The following RRAGD variants were observed in gnomAD, a reference collection of about 807,000 sequenced individuals.
RRAGD encodes Ras related GTP binding D.
A neutral mutation model predicts 35.5 loss-of-function variants in RRAGD; 12 were observed. The observed-to-expected ratio is 0.34, with a 90% CI of 0.22 to 0.55. The LOEUF (loss-of-function observed/expected upper bound fraction) is 0.55. Among genes scored for constraint, RRAGD ranks in the 20% least tolerant of loss-of-function variants. The pLI, the probability that RRAGD is intolerant of heterozygous loss-of-function variation, is 0.91. For missense variants in RRAGD, 324 were observed against 490.1 expected (o/e 0.66, Z 3.20); for synonymous variants, 155 against 178.9 (o/e 0.87, Z 1.07).
chr6:89,398,378 AGAAC>A (rs1235075949), intron 1 of RRAGD, among the ~76,000 whole-genome samples: 2 of 152,268 alleles, frequency 1.3e-5, no homozygotes, highest in Non-Finnish European at 2.9e-5. Flanking sequence ...CTTAAAGATA[AGAAC>A]GGAAACCCTA....
At chr6:89,403,105 T>G (rs1769504815) in intron 1 of RRAGD, among the ~76,000 whole-genome samples, 1 of 152,170 alleles carries the variant, frequency 6.6e-6, no homozygotes, top group South Asian at 2.1e-4. Context: ...AAAAACATAT[T>G]AAGACAGATC....
At chr6:89,374,188 T>G (rs765657457) in intron 5 of RRAGD, among the ~76,000 whole-genome samples, 2 of 152,190 alleles carry the variant, frequency 1.3e-5, no homozygotes, top group African/African-American at 4.8e-5. Context: ...AAGAATCCTC[T>G]AAGTTTCTAA....
intron 5 of RRAGD, among the ~76,000 whole-genome samples, chr6:89,376,930 T>C (rs1383286220): frequency 6.6e-6 from 1 of 152,224 alleles, no homozygotes; most frequent in Non-Finnish European, 1.5e-5. Context: ...ATGGATTTTC[T>C]TCCGCTTCTG....
At chr6:89,391,976 A>T (rs1451949804) in intron 1 of RRAGD, among the ~76,000 whole-genome samples, 4 of 151,310 alleles carry the variant, frequency 2.6e-5, no homozygotes, top group African/African-American at 9.7e-5. Flanking sequence ...AAAAAAAAAA[A>T]TCCCTGGAAT....
At chr6:89,405,988 AC>A (rs1471764999) in intron 1 of RRAGD, among the ~76,000 whole-genome samples, 3 of 152,234 alleles carry the variant, frequency 2.0e-5, no homozygotes, top group Admixed American at 6.5e-5. Flanking sequence ...TTGATTAACT[AC>A]TTAGTAAGGA....
chr6:89,402,038 A>ATTTTTTTTCT (rs1769477442), intron 1 of RRAGD, among the ~76,000 whole-genome samples: 4 of 78,440 alleles, frequency 5.1e-5, no homozygotes, highest in African/African-American at 2.5e-4. Context: ...AATCCTAAGG[A>ATTTTTTTTCT]TTTTTTTTTT....
intron 6 of RRAGD, 78 bp from the exon 7 acceptor site, chr6:89,368,285 C>A (rs1026333951): frequency 3.6e-4 from 492 of 1,376,138 alleles, no homozygotes; most frequent in Admixed American, 1.2e-3. Flanking sequence ...ATGGCCAGGA[C>A]AAGCCAGTAG....
chr6:89,371,891 T>C (rs1407571248), intron 6 of RRAGD, among the ~76,000 whole-genome samples: 1 of 152,228 alleles, frequency 6.6e-6, no homozygotes, highest in African/African-American at 2.4e-5. Flanking sequence ...TGGAGTTAAA[T>C]ATATTCATGG....
intron 1 of RRAGD, among the ~76,000 whole-genome samples, chr6:89,389,555 CAAA>C (rs767352705): frequency 6.9e-5 from 4 of 58,178 alleles, no homozygotes; most frequent in East Asian, 8.7e-4. Flanking sequence ...GACTCCGTCT[CAAA>C]AAAAAAAAAA....
intron 1 of RRAGD, among the ~76,000 whole-genome samples, chr6:89,399,043 C>T (rs1205987448): frequency 1.1e-4 from 16 of 152,148 alleles, no homozygotes. Context: ...TGTACAAGTG[C>T]AAAAATATTC....
At position 89,367,915 on chromosome 6, in the gene RRAGD, G is replaced by C; in HGVS notation, c.*141C>G. On this transcript the variant is annotated 3_prime_UTR_variant, in exon 7 of 7. Transcript: ENST00000369415. ...CTTTATTTATAAAAGAGAAGATCAAGAGGGTTGCAGGAATTTTTTTTTTTT... is the reference window on the plus strand; with the variant it reads ...CTTTATTTATAAAAGAGAAGATCAACAGGGTTGCAGGAATTTTTTTTTTTT... The C allele has an allele frequency of 1.5e-6, 1 of 680,112 alleles. No individual in the cohort carries two copies. Among genetic ancestry groups the C allele is most frequent in the South Asian group, 4.1e-5 (1 of 24,384 alleles). The allele number at this position is 680,112 out of a possible 1,614,324, so 42.1% of individuals were successfully genotyped here. A position where few individuals can be genotyped will look rare whatever the true frequency, so the allele number is the denominator to read the frequency against.
chr6:89,387,708 G>C (rs1272566147), intron 1 of RRAGD, 118 bp from the exon 2 acceptor site: 1 of 990,506 alleles, frequency 1.0e-6, no homozygotes, highest in Non-Finnish European at 1.5e-6. Context: ...CTCTTCCAAA[G>C]AGTGCTAACT....
At position 89,380,302 on chromosome 6, in the gene RRAGD, A is replaced by G. The variant is rs150916197; in HGVS notation, c.510T>C (p.Thr170=). 1.1e-4 allele frequency: 175 copies of G among 1,614,260 alleles called. No homozygotes were observed. In the African/African-American group the frequency reaches 2.0e-3, roughly 19 times the overall value. Reference sequence around the variant, plus strand: ...GAATAAACACCTCGAAGTTGATGTCAGTATTCACTTTGTAGGCCCTGGTCA... The same window carrying G: ...GAATAAACACCTCGAAGTTGATGTCGGTATTCACTTTGTAGGCCCTGGTCA... ...LTVTRAYKVN[T]DINFEVFIHK... The change falls in exon 3 of 7, where the codon ACT becomes ACC. Residue 170 remains threonine, a synonymous_variant. Transcript: ENST00000369415.
At chr6:89,406,461 C>T (rs979793345) in intron 1 of RRAGD, among the ~76,000 whole-genome samples, 7 of 152,038 alleles carry the variant, frequency 4.6e-5, no homozygotes, top group South Asian at 2.1e-4. Flanking sequence ...AACACACAAG[C>T]GGCTGGACAT....
At chr6:89,372,289 C>T (rs1166806855) in intron 6 of RRAGD, 148 bp downstream of exon 6, 9 of 874,828 alleles carry the variant, frequency 1.0e-5, no homozygotes, top group African/African-American at 1.7e-5. Flanking sequence ...GCCCGCCCCG[C>T]TCTGAACTCC....
chr6:89,397,058 G>T (rs1051414718), intron 1 of RRAGD, among the ~76,000 whole-genome samples: 1 of 152,024 alleles, frequency 6.6e-6, no homozygotes, highest in Non-Finnish European at 1.5e-5. Context: ...TTTTAAAAGT[G>T]AAACAAGCAA....
chr6:89,371,472 G>C (rs560272865), intron 6 of RRAGD, among the ~76,000 whole-genome samples: 1 of 152,240 alleles, frequency 6.6e-6, no homozygotes, highest in East Asian at 1.9e-4. Context: ...CTAAGTAACA[G>C]AGCGAGATCC....
In RRAGD at chr6:89,387,319, T is replaced by C. The variant is rs1390694732; in HGVS notation, c.420A>G (p.Ala140=). The C allele has an allele frequency of 1.2e-6, 2 of 1,613,948 alleles. No individual in the cohort carries two copies. The highest frequency in any genetic ancestry group is 1.7e-6 in the Non-Finnish European group (2 of 1,179,892). ...DYEMIFRGTG[A]LIFVIDSQDD... is the part of the protein sequence containing the mutation. ...CCTGTGAGTCAATGACAAATATCAGTGCTCCTGTTCCCCGGAAGATCATCT... is the reference window on the plus strand; with the variant it reads ...CCTGTGAGTCAATGACAAATATCAGCGCTCCTGTTCCCCGGAAGATCATCT... Residue 140 remains alanine (A), a synonymous_variant, in exon 2 of 7, where the codon GCA becomes GCG. Transcript: ENST00000369415.
intron 4 of RRAGD, 35 bp from the exon 5 acceptor site, chr6:89,377,848 C>T: frequency 6.5e-7 from 1 of 1,536,116 alleles, no homozygotes; most frequent in Non-Finnish European, 8.9e-7. Context: ...CTTAAAGCAA[C>T]AGTCAACTTC....
Sources: gnomAD v4.1 joint callset for allele counts (sites outside exome capture counted in the v4.1 genomes callset) on GRCh38, gnomAD v4.1.1 for gene constraint, MANE v1.5 for transcripts, NCBI Gene and HGNC (gene_info 2026-07-23, HGNC 2026-07-21) for gene names.